DGLUCY: variants seen among roughly 807,000 people sequenced by gnomAD.
DGLUCY encodes D-glutamate cyclase, mitochondrial.
In DGLUCY, 58 loss-of-function variants were observed where a neutral mutation model predicts 58.5. The observed-to-expected ratio is 0.99, with a 90% CI of 0.80 to 1.23. DGLUCY has a LOEUF of 1.23. Among genes scored for constraint, DGLUCY ranks in the 50% most tolerant of loss-of-function variants. The pLI, the probability that DGLUCY is intolerant of heterozygous loss-of-function variation, is 0.00. For synonymous variants in DGLUCY, 325 were observed against 314.1 expected, an observed-to-expected ratio of 1.03 and a Z score of -0.37; for missense variants, 779 against 784.7, an observed-to-expected ratio of 0.99 and a Z score of 0.09.
chr14:91,143,800 T>C (rs2046867893), intron 1 of DGLUCY, among the ~76,000 whole-genome samples: 1 of 152,216 alleles, frequency 6.6e-6, no homozygotes, highest in African/African-American at 2.4e-5. Flanking sequence ...TTGACTAACA[T>C]GATTTAATCT....
At chr14:91,172,728 T>C (rs1264186332) in intron 5 of DGLUCY, among the ~76,000 whole-genome samples, 4 of 151,146 alleles carry the variant, frequency 2.6e-5, no homozygotes, top group Non-Finnish European at 4.4e-5. Flanking sequence ...CTCACTGCAA[T>C]CTCCGCCTCC....
intron 1 of DGLUCY, among the ~76,000 whole-genome samples, chr14:91,118,060 T>A (rs2045090753): frequency 8.2e-6 from 1 of 121,572 alleles, no homozygotes; most frequent in South Asian, 3.1e-4. Flanking sequence ...AGAGAATGGA[T>A]GGTAAATTCT....
At chr14:91,092,865 C>T (rs1015252165) in intron 1 of DGLUCY, among the ~76,000 whole-genome samples, 3 of 152,108 alleles carry the variant, frequency 2.0e-5, no homozygotes, top group Non-Finnish European at 4.4e-5. Flanking sequence ...AGGTGGATCA[C>T]CTGAGGTCAG....
intron 1 of DGLUCY, among the ~76,000 whole-genome samples, chr14:91,074,800 T>C (rs757787946): frequency 3.9e-5 from 6 of 152,284 alleles, no homozygotes; most frequent in Admixed American, 2.0e-4. Context: ...TGGCTGGACA[T>C]GGTGGCTCAT....
rs544256076 is a variant in DGLUCY, at chr14:91,136,490, C to T, written c.-81-21149C>T. On this transcript the variant is annotated intron_variant, in intron 1 of 13. Transcript: ENST00000256324. ...TTGAGGTCAGGAGTTCAAGACCAGC[C>T]TGGCCAACATGGTGAAAACCCCTTG... Among the ~76,000 whole-genome samples, 182 of 152,016 alleles carry T rather than the reference C, an allele frequency of 1.2e-3. 6 individuals are homozygous for T. In the South Asian group the frequency reaches 0.037, roughly 31 times the overall value.
intron 4 of DGLUCY, chr14:91,167,706 A>T: frequency 1.4e-6 from 1 of 700,518 alleles, no homozygotes; most frequent in South Asian, 1.5e-5. Context: ...AAAATAAAAA[A>T]CACTTGCATT....
At chr14:91,152,852 G>C (rs2047401669) in intron 1 of DGLUCY, among the ~76,000 whole-genome samples, 2 of 152,180 alleles carry the variant, frequency 1.3e-5, no homozygotes, top group Non-Finnish European at 2.9e-5. Context: ...TGGACTGGAA[G>C]CTTCAAGGAA....
intron 1 of DGLUCY, among the ~76,000 whole-genome samples, chr14:91,148,370 A>AT (rs1253016986): frequency 6.6e-6 from 1 of 150,716 alleles, no homozygotes; most frequent in Non-Finnish European, 1.5e-5. Context: ...ATGCCTGGCT[A>AT]TTTTTTTGTA....
At chr14:91,136,705 G>C (rs543298311) in intron 1 of DGLUCY, among the ~76,000 whole-genome samples, 2 of 147,158 alleles carry the variant, frequency 1.4e-5, no homozygotes, top group East Asian at 4.1e-4. Flanking sequence ...ACGGTGGCTC[G>C]CGCCTGTAAT....
At chr14:91,100,030 G>A (rs2044459390) in intron 1 of DGLUCY, among the ~76,000 whole-genome samples, 2 of 147,324 alleles carry the variant, frequency 1.4e-5, no homozygotes, top group African/African-American at 5.1e-5. Context: ...ACTCCAGCCT[G>A]GGCAACAAGA....
intron 1 of DGLUCY, among the ~76,000 whole-genome samples, chr14:91,077,008 GC>G (rs1238627712): frequency 1.3e-5 from 2 of 152,124 alleles, no homozygotes; most frequent in African/African-American, 4.8e-5. Context: ...CCTCTGGGAG[GC>G]CAAGGTGGAA....
intron 8 of DGLUCY, among the ~76,000 whole-genome samples, chr14:91,184,614 T>TGGAA (rs1225312394): frequency 2.4e-4 from 17 of 71,502 alleles, no homozygotes; most frequent in Non-Finnish European, 3.4e-4. Flanking sequence ...AGTCTGATTC[T>TGGAA]GGAAGGAAGG....
At chr14:91,181,996 T>G (rs990769428) in intron 8 of DGLUCY, among the ~76,000 whole-genome samples, 1 of 151,920 alleles carries the variant, frequency 6.6e-6, no homozygotes, top group African/African-American at 2.4e-5. Context: ...TTTATTTATT[T>G]TTGAGATGGA....
chr14:91,133,784 C>T (rs1250136557), intron 1 of DGLUCY, among the ~76,000 whole-genome samples: 1 of 152,132 alleles, frequency 6.6e-6, no homozygotes, highest in African/African-American at 2.4e-5. Flanking sequence ...CCAGTTACTC[C>T]GTGTCCTCAC....
chr14:91,196,619 C>G, intron 10 of DGLUCY, 145 bp downstream of exon 10: 1 of 660,128 alleles, frequency 1.5e-6, no homozygotes, highest in Non-Finnish European at 2.6e-6. Flanking sequence ...ATGGACCAGA[C>G]TAACAAATGA....
At chr14:91,205,545 C>T (rs1478525219) in intron 12 of DGLUCY, among the ~76,000 whole-genome samples, 4 of 152,120 alleles carry the variant, frequency 2.6e-5, no homozygotes, top group Admixed American at 1.3e-4. Context: ...AAACCTGATT[C>T]GTAATTGAGA....
intron 9 of DGLUCY, among the ~76,000 whole-genome samples, chr14:91,193,522 G>C (rs543494549): frequency 6.6e-6 from 1 of 152,138 alleles, no homozygotes; most frequent in African/African-American, 2.4e-5. Flanking sequence ...TTTCAGCTCC[G>C]TTTTTAATAA....
chr14:91,080,891 C>T (rs891764992), intron 1 of DGLUCY, among the ~76,000 whole-genome samples: 3 of 152,092 alleles, frequency 2.0e-5, no homozygotes, highest in Non-Finnish European at 4.4e-5. Context: ...AAAAGAGCTC[C>T]TCTTCATTCA....
intron 1 of DGLUCY, among the ~76,000 whole-genome samples, chr14:91,135,210 G>GTCAC (rs1452252530): frequency 6.6e-6 from 1 of 152,180 alleles, no homozygotes; most frequent in Non-Finnish European, 1.5e-5. Flanking sequence ...ACAGGCATGA[G>GTCAC]TCACTGTGCC....
Sources: gnomAD v4.1 joint callset for allele counts (sites outside exome capture counted in the v4.1 genomes callset) on GRCh38, gnomAD v4.1.1 for gene constraint, MANE v1.5 for transcripts, NCBI Gene and HGNC (gene_info 2026-07-23, HGNC 2026-07-21) for gene names.